CDC42BPB: variants seen among roughly 807,000 people sequenced by gnomAD.
The protein encoded by CDC42BPB is CDC42 binding protein kinase beta, also known as serine/threonine-protein kinase MRCK beta.
Under a neutral mutation model 214.9 loss-of-function variants are expected in CDC42BPB, and 37 were observed. That is an observed-to-expected ratio of 0.17 (90% confidence interval 0.13 to 0.23). The LOEUF is 0.23. Ranked by LOEUF, CDC42BPB falls within the 10% of genes least tolerant of loss-of-function variation. CDC42BPB has a pLI of 1.00. For synonymous variants in CDC42BPB, 931 were observed against 884.0 expected (o/e 1.05, Z -0.94); for missense variants, 1,694 against 2,227.0 (o/e 0.76, Z 4.82).
intron 20 of CDC42BPB, among the ~76,000 whole-genome samples, chr14:102,960,995 A>ACAAT (rs1555386568): frequency 1.3e-3 from 204 of 151,910 alleles, no homozygotes; most frequent in South Asian, 0.012. Flanking sequence ...CCCATCTCTA[A>ACAAT]AAATAAATAA....
intron 17 of CDC42BPB, among the ~76,000 whole-genome samples, 193 bp downstream of exon 17, chr14:102,966,853 G>A (rs756590483): frequency 1.3e-5 from 2 of 152,206 alleles, no homozygotes; most frequent in Middle Eastern, 3.4e-3. Context: ...TGGTGGGGGC[G>A]TATCTCCACC....
In CDC42BPB at chr14:102,943,341, C is replaced by T. The variant is rs1891987932; in HGVS notation, c.4408+550G>A. Reference sequence around the variant, plus strand: ...GAAGTGTCCACTGGTCCTACCTGTTCCCCAGTGCCACCATTCATAGAGAAA... The same window carrying T: ...GAAGTGTCCACTGGTCCTACCTGTTTCCCAGTGCCACCATTCATAGAGAAA... On this transcript the variant is annotated intron_variant, in intron 30 of 36. Transcript: ENST00000361246. This position sits in a 1 kb window ranked among gnomAD's most constrained non-coding sequence, Gnocchi z 4.6. Among the ~76,000 whole-genome samples the T allele has an allele frequency of 6.6e-6, 1 of 152,200 alleles. No homozygotes were observed. Among genetic ancestry groups the T allele is most frequent in the Admixed American group, 6.5e-5 (1 of 15,284 alleles).
At chr14:102,978,749 T>C (rs1410360135) in intron 8 of CDC42BPB, among the ~76,000 whole-genome samples, 29 of 152,244 alleles carry the variant, frequency 1.9e-4, no homozygotes, top group Admixed American at 1.9e-3. Context: ...CTCACGCCTG[T>C]AGTCCCAGCA....
At chr14:103,011,824 G>A (rs1015384595) in intron 2 of CDC42BPB, among the ~76,000 whole-genome samples, 3 of 152,174 alleles carry the variant, frequency 2.0e-5, no homozygotes, top group African/African-American at 2.4e-5. Context: ...AGAAGCTTTC[G>A]AGTCTCCTTT....
At chr14:102,941,961 C>T (rs1214195875) in intron 30 of CDC42BPB, among the ~76,000 whole-genome samples, 1 of 152,246 alleles carries the variant, frequency 6.6e-6, no homozygotes, top group Non-Finnish European at 1.5e-5. Flanking sequence ...GGAGAGAAGA[C>T]CCACCAAGGC....
At chr14:102,948,834 C>T (rs892670300) in intron 26 of CDC42BPB, among the ~76,000 whole-genome samples, 3 of 152,010 alleles carry the variant, frequency 2.0e-5, no homozygotes, top group Non-Finnish European at 4.4e-5. Flanking sequence ...GCCAACTTTT[C>T]GTCTACCAGT....
intron 3 of CDC42BPB, among the ~76,000 whole-genome samples, chr14:103,005,750 G>T (rs1047783645): frequency 6.6e-6 from 1 of 152,074 alleles, no homozygotes; most frequent in Non-Finnish European, 1.5e-5. Context: ...GGCTGCACAC[G>T]GTGGCTCACG....
At chr14:102,984,676 A>G (rs1894154784) in intron 6 of CDC42BPB, among the ~76,000 whole-genome samples, 1 of 152,002 alleles carries the variant, frequency 6.6e-6, no homozygotes, top group Non-Finnish European at 1.5e-5. Context: ...GATGGAGAGT[A>G]TAGGGCCATC....
At position 103,004,058 on chromosome 14, in the gene CDC42BPB, C is replaced by T. The variant is rs557137965; in HGVS notation, c.352-35G>A. 15 of 1,561,500 alleles carry T rather than the reference C, an allele frequency of 9.6e-6. No individual in the cohort carries two copies. The highest frequency in any genetic ancestry group is 9.4e-5 in the African/African-American group (7 of 74,094). On this transcript the variant is annotated intron_variant, in intron 3 of 36. Coordinates refer to ENST00000361246, the MANE Select transcript of CDC42BPB (RefSeq NM_006035.4). This position sits in a 1 kb window ranked among gnomAD's most constrained non-coding sequence, Gnocchi z 5.3. ...AACGAGGGGTGTCAGTCTGTGTTCA[C>T]TGGGAAGCAGGCCAGAGAGCGTACT... is the stretch of plus-strand genomic sequence containing the variant.
At position 103,012,662 on chromosome 14, in the gene CDC42BPB, G is replaced by A. The variant is rs921315579; in HGVS notation, c.176-474C>T. On this transcript the variant is annotated intron_variant, in intron 1 of 36. Transcript: ENST00000361246. ...TCTACTAAAAATACAAAAATTAGCC[G>A]GATGTTGTGGCGGGTGACTGTAATC... is the stretch of plus-strand genomic sequence containing the variant. 3.4e-4 allele frequency among the ~76,000 whole-genome samples: 51 copies of A among 152,062 alleles called. 1 individual carries two copies. The highest frequency in any genetic ancestry group is 1.9e-4 in the East Asian group (1 of 5,198).
chr14:103,003,581 G>A (rs558946825), intron 4 of CDC42BPB, among the ~76,000 whole-genome samples: 2 of 152,366 alleles, frequency 1.3e-5, no homozygotes, highest in South Asian at 4.1e-4. Flanking sequence ...TGAGATGGAG[G>A]CAAAAACATC....
chr14:102,942,067 G>A (rs759154631), intron 30 of CDC42BPB, among the ~76,000 whole-genome samples: 5 of 152,190 alleles, frequency 3.3e-5, no homozygotes, highest in Non-Finnish European at 5.9e-5. Flanking sequence ...TCAACGTTAC[G>A]CTTTGCAAAA....
chr14:102,981,733 T>C (rs7152460), intron 7 of CDC42BPB, among the ~76,000 whole-genome samples: 29,298 of 152,044 alleles, frequency 0.19, 5,698 homozygotes, highest in African/African-American at 0.5. Context: ...GCCAAGATCG[T>C]GCCACTGCAC....
At chr14:102,940,376 C>T (rs1285725002) in intron 30 of CDC42BPB, 52 bp from the exon 31 acceptor site, 2 of 1,548,648 alleles carry the variant, frequency 1.3e-6, no homozygotes, top group Non-Finnish European at 8.7e-7. Context: ...AGGAACTCAC[C>T]TGCCCTCGGG....
chr14:102,984,513 C>G (rs966601358), intron 6 of CDC42BPB, among the ~76,000 whole-genome samples: 2 of 152,100 alleles, frequency 1.3e-5, no homozygotes, highest in Admixed American at 6.5e-5. Context: ...CTCCTACCCC[C>G]GCAAGGGAGA....
chr14:103,008,735 G>C, intron 2 of CDC42BPB, 180 bp from the exon 3 acceptor site: 1 of 978,052 alleles, frequency 1.0e-6, no homozygotes, highest in Non-Finnish European at 1.2e-6. Flanking sequence ...TCTTCACAGA[G>C]AAAGGGACCG....
chr14:102,949,844 A>G lies in CDC42BPB; in HGVS notation c.3370T>C (p.Cys1124Arg). ...GGCAGATCATACAGGAAGAGCTTGC[A>G]GTCACAGACGACTGCATATGCGCGC... ...WQRAYAVVCDCKLFLYDLPEG... is the reference protein window; with the variant it reads ...WQRAYAVVCDRKLFLYDLPEG... Residue 1124 changes from cysteine to arginine, a missense_variant, in exon 26 of 37, where the codon TGC (cysteine) becomes CGC (arginine). This residue lies in a region of CDC42BPB where 567 missense variants were observed against 790.3 expected (regional missense o/e 0.72). Coordinates refer to ENST00000361246, the MANE Select transcript of CDC42BPB (RefSeq NM_006035.4). The G allele has an allele frequency of 6.2e-7, 1 of 1,613,700 alleles. No homozygotes were observed. Among genetic ancestry groups the G allele is most frequent in the Non-Finnish European group, 8.5e-7 (1 of 1,180,016 alleles).
rs573204401 is a variant in CDC42BPB at position 103,041,382 on chromosome 14, G to A, written c.175+15617C>T. ...GTATGAAACTTTGTGACCTTGCACT[G>A]CCAATGGATTGTTAGATATGACAGC... is the stretch of plus-strand genomic sequence containing the variant. On this transcript the variant is annotated intron_variant, in intron 1 of 36. Coordinates refer to ENST00000361246, the MANE Select transcript of CDC42BPB (RefSeq NM_006035.4). 187 of 540,832 alleles carry A rather than the reference G, an allele frequency of 3.5e-4. 2 individuals carry two copies. The South Asian group carries it at 4.0e-3, about 12-fold the overall frequency. 33.5% of individuals were successfully genotyped at this position (540,832 alleles called of 1,614,324 possible).
chr14:102,966,580 T>G (rs995328847), intron 17 of CDC42BPB, 193 bp from the exon 18 acceptor site: 1 of 915,312 alleles, frequency 1.1e-6, no homozygotes, highest in Non-Finnish European at 1.3e-6. Context: ...TGACTGCAGT[T>G]TAAAAAGACA....
Sources: allele counts gnomAD v4.1 joint callset (sites outside exome capture counted in the v4.1 genomes callset), GRCh38; gene constraint gnomAD v4.1.1; regional missense constraint gnomAD v4.1.1; non-coding constraint Gnocchi (gnomAD v3.1); transcripts MANE v1.5; gene names NCBI Gene and HGNC (gene_info 2026-07-23, HGNC 2026-07-21).